RFX8: variants seen among roughly 807,000 people sequenced by gnomAD.
RFX8 encodes DNA-binding protein RFX8.
In RFX8, 46 loss-of-function variants were observed where a neutral mutation model predicts 54.6. The observed-to-expected ratio is 0.84, with a 90% CI of 0.67 to 1.08. The LOEUF (loss-of-function observed/expected upper bound fraction) is 1.08, where lower values mean the gene tolerates loss of function less well. Ranked by LOEUF, RFX8 falls within the 50% of genes least tolerant of loss-of-function variation. The pLI is 0.00. For missense variants in RFX8, 536 were observed against 562.3 expected (o/e 0.95, Z 0.47); for synonymous variants, 192 against 209.5 (o/e 0.92, Z 0.72).
intron 2 of RFX8, among the ~76,000 whole-genome samples, chr2:101,445,308 CCTT>C (rs145039709): frequency 0.02 from 3,055 of 152,252 alleles, 90 homozygotes; most frequent in African/African-American, 0.061. Flanking sequence ...TCACTTGGCT[CCTT>C]GACTGGCACT....
At chr2:101,473,164 C>T (rs558088718) in intron 1 of RFX8, among the ~76,000 whole-genome samples, 1 of 152,296 alleles carries the variant, frequency 6.6e-6, no homozygotes, top group South Asian at 2.1e-4. Context: ...AGTTCACAAG[C>T]GGTCTTAGGA....
Position 101,468,990 on chromosome 2 carries a change from A to ACG in RFX8, c.-52-2091_-52-2090insCG, listed in dbSNP as rs1558895953. ...TATATATATGTAAGTATATATATAT[A>ACG]AGTATATATATACGTATATATATAT... On this transcript the variant is annotated intron_variant, in intron 1 of 11. Coordinates refer to ENST00000428343, the MANE Select transcript of RFX8 (RefSeq NM_001145664.2). Among the ~76,000 whole-genome samples the ACG allele has an allele frequency of 2.5e-3, 206 of 81,006 alleles. 1 individual carries two copies. The highest frequency in any genetic ancestry group is 7.3e-3 in the African/African-American group (194 of 26,444). 53.1% of individuals were successfully genotyped at this position (81,006 alleles called of 152,430 possible).
chr2:101,471,571 G>C (rs1689993367), intron 1 of RFX8, among the ~76,000 whole-genome samples: 2 of 152,334 alleles, frequency 1.3e-5, no homozygotes, highest in African/African-American at 4.8e-5. Flanking sequence ...ATAATGCTTA[G>C]GTTTTGCCTG....
chr2:101,460,400 T>C lies in RFX8; in HGVS notation c.72+6377A>G, dbSNP rs142893514. On this transcript the variant is annotated intron_variant, in intron 2 of 11. Transcript: ENST00000428343. ...GGAAGCCAGACCCCATTTTCACTTT[T>C]TATTATCCATTTGTTTGCCTAATTT... Among the ~76,000 whole-genome samples, 4 of 152,232 alleles carry C rather than the reference T, an allele frequency of 2.6e-5. No homozygotes were observed. The East Asian group carries it at 7.8e-4, about 30-fold the overall frequency.
At chr2:101,398,443 C>A (rs1363543026) in intron 11 of RFX8, among the ~76,000 whole-genome samples, 1 of 152,110 alleles carries the variant, frequency 6.6e-6, no homozygotes, top group Admixed American at 6.5e-5. Flanking sequence ...TTGGGAGTCT[C>A]CAGACGGGTA....
At chr2:101,444,651 C>A (rs923643878) in intron 2 of RFX8, among the ~76,000 whole-genome samples, 1 of 152,084 alleles carries the variant, frequency 6.6e-6, no homozygotes, top group Non-Finnish European at 1.5e-5. Context: ...AAATTGAAAA[C>A]CTCAGCAAAG....
intron 11 of RFX8, among the ~76,000 whole-genome samples, chr2:101,401,558 C>T (rs779697525): frequency 1.1e-4 from 16 of 152,134 alleles, no homozygotes; most frequent in Admixed American, 3.3e-4. Flanking sequence ...AAGAAGAAGG[C>T]GGATAGCGGC....
intron 7 of RFX8, among the ~76,000 whole-genome samples, 189 bp from the exon 8 acceptor site, chr2:101,413,260 C>G (rs1490766729): frequency 6.6e-6 from 1 of 152,168 alleles, no homozygotes; most frequent in Non-Finnish European, 1.5e-5. Context: ...AACTGCCCTT[C>G]TGGAAGGAGA....
At position 101,474,691 on chromosome 2, in the gene RFX8, G is replaced by A. The variant is rs1222207914; in HGVS notation, c.-108C>T. On this transcript the variant is annotated 5_prime_UTR_variant, in exon 1 of 12. Coordinates refer to ENST00000428343, the MANE Select transcript of RFX8 (RefSeq NM_001145664.2). Reference sequence around the variant, plus strand: ...CCGTGGGTGTCCTTGACTTGCTTGAGCGTTGGAGTTATTCAGGCAGTTTTC... The same window carrying A: ...CCGTGGGTGTCCTTGACTTGCTTGAACGTTGGAGTTATTCAGGCAGTTTTC... 1 of 161,204 alleles carries A rather than the reference G, an allele frequency of 6.2e-6. No homozygotes were observed. Among genetic ancestry groups the A allele is most frequent in the Non-Finnish European group, 1.4e-5 (1 of 74,008 alleles). 10.0% of individuals were successfully genotyped at this position (161,204 alleles called of 1,614,324 possible). A position where few individuals can be genotyped will look rare whatever the true frequency, so the allele number is the denominator to read the frequency against.
intron 2 of RFX8, among the ~76,000 whole-genome samples, chr2:101,451,322 T>C (rs1451750250): frequency 1.3e-5 from 2 of 152,050 alleles, no homozygotes; most frequent in African/African-American, 2.4e-5. Flanking sequence ...AAGCAACAAA[T>C]AGCAATAATA....
intron 11 of RFX8, among the ~76,000 whole-genome samples, chr2:101,400,651 G>A (rs750636278): frequency 2.0e-5 from 3 of 152,164 alleles, no homozygotes; most frequent in Non-Finnish European, 4.4e-5. Flanking sequence ...GTGCTTTAAC[G>A]AGTGTCACTG....
At chr2:101,473,986 C>T (rs1192008099) in intron 1 of RFX8, among the ~76,000 whole-genome samples, 1 of 152,190 alleles carries the variant, frequency 6.6e-6, no homozygotes, top group Non-Finnish European at 1.5e-5. Flanking sequence ...GAAGCCCGGC[C>T]CCATCGCCGA....
intron 2 of RFX8, chr2:101,428,991 T>C (rs1687341226): frequency 6.5e-7 from 1 of 1,533,754 alleles, no homozygotes; most frequent in Non-Finnish European, 8.7e-7. Context: ...TTATAATTAG[T>C]AGATTTTTCA....
At chr2:101,472,604 A>G (rs976895050) in intron 1 of RFX8, among the ~76,000 whole-genome samples, 6 of 152,222 alleles carry the variant, frequency 3.9e-5, no homozygotes, top group Admixed American at 1.3e-4. Flanking sequence ...GGGGTGTCCA[A>G]TCTTTTCTTC....
chr2:101,403,129 G>A (rs1436631808), intron 10 of RFX8, among the ~76,000 whole-genome samples: 2 of 152,202 alleles, frequency 1.3e-5, no homozygotes, highest in Non-Finnish European at 2.9e-5. Context: ...GAAGGGGTGG[G>A]AGGAAACGGG....
intron 2 of RFX8, among the ~76,000 whole-genome samples, chr2:101,456,813 T>C (rs1181419142): frequency 6.6e-6 from 1 of 152,206 alleles, no homozygotes; most frequent in Non-Finnish European, 1.5e-5. Context: ...GTACCTCTGG[T>C]AGAATTTGGC....
intron 11 of RFX8, among the ~76,000 whole-genome samples, chr2:101,399,145 C>T (rs1352166644): frequency 6.6e-6 from 1 of 152,234 alleles, no homozygotes; most frequent in Non-Finnish European, 1.5e-5. Flanking sequence ...ATCCGGAATG[C>T]TGACTTCAGT....
intron 2 of RFX8, among the ~76,000 whole-genome samples, chr2:101,460,541 C>T (rs187501652): frequency 9.9e-5 from 15 of 152,090 alleles, no homozygotes; most frequent in African/African-American, 3.4e-4. Flanking sequence ...TCCGAATCAG[C>T]GAGGTTCATG....
intron 2 of RFX8, among the ~76,000 whole-genome samples, chr2:101,455,225 C>T (rs1007812438): frequency 5.9e-5 from 9 of 152,044 alleles, no homozygotes; most frequent in African/African-American, 2.2e-4. Context: ...GTTGGCCAGG[C>T]TGTTCTCGAA....
Sources: gnomAD v4.1 joint callset for allele counts (sites outside exome capture counted in the v4.1 genomes callset) on GRCh38, gnomAD v4.1.1 for gene constraint, MANE v1.5 for transcripts, NCBI Gene and HGNC (gene_info 2026-07-23, HGNC 2026-07-21) for gene names.